Variants in MAP3K5 observed in about 807,000 individuals in gnomAD.
MAP3K5 encodes the protein mitogen-activated protein kinase kinase kinase 5, also known as ASK-1.
In MAP3K5, 56 loss-of-function variants were observed where a neutral mutation model predicts 158.7. The ratio of observed to expected loss-of-function variants is 0.35; its 90% CI spans 0.28 to 0.44. The LOEUF is 0.44. Among genes scored for constraint, MAP3K5 ranks in the 20% least tolerant of loss-of-function variants. MAP3K5 has a pLI of 1.00. For synonymous variants in MAP3K5, 579 were observed against 601.7 expected (o/e 0.96, Z 0.55); for missense variants, 1,294 against 1,674.8 (o/e 0.77, Z 3.97).
In MAP3K5 at chr6:136,613,497, A is replaced by T. The variant is rs1411632867; in HGVS notation, c.2279-241T>A. ...GCCAACTTTAATTCAAGTCATGATGATAGATACTGAAATGGTTCCCATATT... is the reference window on the plus strand; with the variant it reads ...GCCAACTTTAATTCAAGTCATGATGTTAGATACTGAAATGGTTCCCATATT... On this transcript the variant is annotated intron_variant, in intron 16 of 29. Coordinates refer to ENST00000359015, the MANE Select transcript of MAP3K5 (RefSeq NM_005923.4). The surrounding 1 kb of genome is among the most constrained non-coding windows in gnomAD (Gnocchi z 4.0). Among the ~76,000 whole-genome samples the T allele has an allele frequency of 6.6e-6, 1 of 152,214 alleles. No homozygotes were observed. The highest frequency in any genetic ancestry group is 2.4e-5 in the African/African-American group (1 of 41,460).
chr6:136,638,285 T>G (rs1777746810), intron 13 of MAP3K5, among the ~76,000 whole-genome samples: 1 of 152,236 alleles, frequency 6.6e-6, no homozygotes, highest in Non-Finnish European at 1.5e-5. Context: ...CAGCCACTCA[T>G]GCAAAAATTT....
rs538250770 is a variant in MAP3K5 at position 136,609,718 on chromosome 6, C to T, written c.2521+1564G>A. Among the ~76,000 whole-genome samples, 25 of 151,674 alleles carry T rather than the reference C, an allele frequency of 1.6e-4. 1 individual carries two copies. Among genetic ancestry groups the T allele is most frequent in the African/African-American group, 4.6e-4 (19 of 41,326 alleles). ...CTGAGGTAGGAGAATCACTTGAGCC[C>T]GGGGTAGGGGAGGTCACAGTGAGCA... On this transcript the variant is annotated intron_variant, in intron 18 of 29. Coordinates refer to ENST00000359015, the MANE Select transcript of MAP3K5 (RefSeq NM_005923.4). This position sits in a 1 kb window ranked among gnomAD's most constrained non-coding sequence, Gnocchi z 4.4.
chr6:136,767,831 G>A (rs932640403), intron 1 of MAP3K5, among the ~76,000 whole-genome samples: 1 of 152,128 alleles, frequency 6.6e-6, no homozygotes, highest in Non-Finnish European at 1.5e-5. Flanking sequence ...ACTGGCATAA[G>A]GACAAAAACA....
chr6:136,624,151 GACACTGCACTCCAGCCTGGGCA>G (rs1310231333), intron 14 of MAP3K5, among the ~76,000 whole-genome samples: 2 of 151,990 alleles, frequency 1.3e-5, no homozygotes, highest in Non-Finnish European at 2.9e-5. Context: ...CTGAGATGGC[GACACTGCACTCCAGCCTGGGCA>G]ACAGAGCAAG....
intron 19 of MAP3K5, among the ~76,000 whole-genome samples, chr6:136,604,767 CT>C (rs67820384): frequency 0.68 from 103,379 of 151,592 alleles, 36,648 homozygotes; most frequent in African/African-American, 0.89. Context: ...TAATTATGCT[CT>C]TTTTTTTTTA....
intron 10 of MAP3K5, among the ~76,000 whole-genome samples, chr6:136,653,984 T>C (rs1029800265): frequency 6.6e-6 from 1 of 152,160 alleles, no homozygotes; most frequent in African/African-American, 2.4e-5. Flanking sequence ...TTTAGAGTCT[T>C]GTCACAAAAA....
rs76304996 is a variant in MAP3K5 at position 136,656,052 on chromosome 6, T to C, written c.1680+255A>G. The stretch of plus-strand genomic sequence containing the variant: ...GACAGTCTTTGCATTGCTTAGGAAG[T>C]ACACTCCACCACTTATCAAAAGGAA... On this transcript the variant is annotated intron_variant, in intron 10 of 29. Transcript: ENST00000359015. 8.7e-3 allele frequency: 3,727 copies of C among 426,006 alleles called. 122 individuals carry two copies. The highest frequency in any genetic ancestry group is 0.064 in the African/African-American group (3,227 of 50,038). The allele number at this position is 426,006 out of a possible 1,614,324, so 26.4% of individuals were successfully genotyped here.
chr6:136,707,563 G>T (rs573682714), intron 2 of MAP3K5, among the ~76,000 whole-genome samples: 9 of 151,962 alleles, frequency 5.9e-5, no homozygotes, highest in African/African-American at 1.4e-4. Flanking sequence ...TACTTGGGGG[G>T]GGGGGGAACC....
intron 4 of MAP3K5, among the ~76,000 whole-genome samples, chr6:136,698,167 A>G (rs546409076): frequency 6.6e-6 from 1 of 152,310 alleles, no homozygotes; most frequent in South Asian, 2.1e-4. Flanking sequence ...TTAAAGTTGA[A>G]TTGTTCTTGC....
chr6:136,755,627 T>C (rs1162729188), intron 1 of MAP3K5, among the ~76,000 whole-genome samples: 2 of 147,152 alleles, frequency 1.4e-5, no homozygotes, highest in African/African-American at 2.6e-5. Context: ...AGGTCAAGGC[T>C]GCAGTGAGCC....
At chr6:136,735,850 C>G (rs1169710680) in intron 1 of MAP3K5, among the ~76,000 whole-genome samples, 1 of 152,070 alleles carries the variant, frequency 6.6e-6, no homozygotes, top group Non-Finnish European at 1.5e-5. Context: ...ACAAAAAAAG[C>G]ATGATAATTT....
Position 136,605,298 on chromosome 6 carries a change from T to G in MAP3K5, c.2590A>C (p.Ile864Leu), listed in dbSNP as rs1259404285. Residue 864 changes from isoleucine to leucine, a missense_variant, in exon 19 of 30, where the codon ATC (isoleucine) becomes CTC (leucine). This residue lies in a region of MAP3K5 where 362 missense variants were observed against 463.2 expected (regional missense o/e 0.78). Transcript: ENST00000359015. ...GPRGYGKAADIWSLGCTIIEM... is the reference protein window; with the variant it reads ...GPRGYGKAADLWSLGCTIIEM... Reference sequence around the variant, plus strand: ...ATGATTGTACAGCCCAGAGACCAGATGTCTGCTGCTTTTCCGTAGCCTCTT... The same window carrying G: ...ATGATTGTACAGCCCAGAGACCAGAGGTCTGCTGCTTTTCCGTAGCCTCTT... 1 of 1,614,184 alleles carries G rather than the reference T, an allele frequency of 6.2e-7. No individual in the cohort carries two copies. The highest frequency in any genetic ancestry group is 1.7e-5 in the Admixed American group (1 of 60,030).
rs141092715 is a variant in MAP3K5, at chr6:136,702,148, T to C, written c.612+2962A>G. 6.7e-3 allele frequency among the ~76,000 whole-genome samples: 1,019 copies of C among 152,264 alleles called. 7 individuals are homozygous for C. The highest frequency in any genetic ancestry group is 0.023 in the African/African-American group (961 of 41,562). ...AAGTTCTAGGCTTCAGTGCATTCTT[T>C]AGAGTTTCTTTCCTATGTTTCTAAG... is the stretch of plus-strand genomic sequence containing the variant. On this transcript the variant is annotated intron_variant, in intron 3 of 29. Transcript: ENST00000359015.
At chr6:136,659,815 T>C (rs910419000) in intron 8 of MAP3K5, among the ~76,000 whole-genome samples, 5 of 152,198 alleles carry the variant, frequency 3.3e-5, no homozygotes, top group Non-Finnish European at 7.3e-5. Context: ...TGCGTAACAG[T>C]GCGAATGTTC....
chr6:136,647,186 T>A lies in MAP3K5; in HGVS notation c.1788+3798A>T, dbSNP rs540501464. ...GTCTTCTCTGTGACCCTCCAGAGCC[T>A]CAGACTTCAGAAATCAAATGTCAAG... On this transcript the variant is annotated intron_variant, in intron 11 of 29. Coordinates refer to ENST00000359015, the MANE Select transcript of MAP3K5 (RefSeq NM_005923.4). 4.6e-5 allele frequency among the ~76,000 whole-genome samples: 7 copies of A among 152,308 alleles called. No individual in the cohort carries two copies. The South Asian group carries it at 1.5e-3, about 32-fold the overall frequency.
chr6:136,627,818 T>C (rs1777113257), intron 14 of MAP3K5, among the ~76,000 whole-genome samples: 1 of 152,232 alleles, frequency 6.6e-6, no homozygotes, highest in Admixed American at 6.5e-5. Context: ...CATTTTGTTA[T>C]AGCGGCCTGG....
At chr6:136,700,876 A>T (rs72979569) in intron 3 of MAP3K5, among the ~76,000 whole-genome samples, 6,147 of 152,344 alleles carry the variant, frequency 0.04, 183 homozygotes, top group Non-Finnish European at 0.06. Flanking sequence ...TACTGCCGTT[A>T]TGGGGAACAA....
intron 2 of MAP3K5, among the ~76,000 whole-genome samples, chr6:136,717,896 A>C (rs1781592485): frequency 6.6e-6 from 1 of 152,216 alleles, no homozygotes; most frequent in Non-Finnish European, 1.5e-5. Context: ...AGTTAATAGA[A>C]AGGAGAAGGG....
intron 18 of MAP3K5, among the ~76,000 whole-genome samples, chr6:136,608,579 G>A (rs537374047): frequency 2.0e-5 from 3 of 152,082 alleles, no homozygotes; most frequent in Non-Finnish European, 4.4e-5. Context: ...AGAGTGTGCC[G>A]GGGACAGGTT....
Sources: allele counts gnomAD v4.1 joint callset (sites outside exome capture counted in the v4.1 genomes callset), GRCh38; gene constraint gnomAD v4.1.1; regional missense constraint gnomAD v4.1.1; non-coding constraint Gnocchi (gnomAD v3.1); transcripts MANE v1.5; gene names NCBI Gene and HGNC (gene_info 2026-07-23, HGNC 2026-07-21).